CALCR: variants seen among roughly 807,000 people sequenced by gnomAD.
CALCR encodes calcitonin receptor.
A neutral mutation model predicts 59.5 loss-of-function variants in CALCR; 47 were observed. The observed-to-expected ratio is 0.79, with a 90% CI of 0.63 to 1.01. The LOEUF (loss-of-function observed/expected upper bound fraction) is 1.01, where lower values mean the gene tolerates loss of function less well. CALCR is among the 50% of genes least tolerant of loss of function. CALCR has a pLI of 0.00. For missense variants in CALCR, 566 were observed against 597.1 expected (o/e 0.95, Z 0.54); for synonymous variants, 213 against 211.3 (o/e 1.01, Z -0.07).
intron 3 of CALCR, among the ~76,000 whole-genome samples, chr7:93,482,206 ATG>A (rs1800813070): frequency 6.6e-6 from 1 of 151,800 alleles, no homozygotes; most frequent in African/African-American, 2.4e-5. Flanking sequence ...TTGTATGAAT[ATG>A]TGTGTTTTAA....
At chr7:93,441,684 C>T in intron 9 of CALCR, 1 of 385,786 alleles carries the variant, frequency 2.6e-6, no homozygotes, top group Non-Finnish European at 5.0e-6. Context: ...TCTAACCTCA[C>T]TGGATGGTTA....
intron 3 of CALCR, among the ~76,000 whole-genome samples, chr7:93,486,353 A>G (rs1800944245): frequency 2.0e-5 from 3 of 151,646 alleles, no homozygotes; most frequent in Non-Finnish European, 4.4e-5. Flanking sequence ...ATAAAACAAT[A>G]TAGAATTACA....
chr7:93,445,223 C>G (rs996504962), intron 8 of CALCR, among the ~76,000 whole-genome samples: 2 of 152,092 alleles, frequency 1.3e-5, no homozygotes, highest in African/African-American at 4.8e-5. Context: ...TGATTACCTT[C>G]CTAACTGGGA....
rs11287815 is a variant in CALCR, at chr7:93,550,488, C to CA, written c.-27+23800dup. On this transcript the variant is annotated intron_variant, in intron 2 of 13. Coordinates refer to ENST00000426151, the MANE Select transcript of CALCR (RefSeq NM_001742.4). ...GGGCAACAAGAGTAAAACTCCGTCTCAAAAAAAAAAAAAAAAAAAAAAAAA... is the reference window on the plus strand; with the variant it reads ...GGGCAACAAGAGTAAAACTCCGTCTCAAAAAAAAAAAAAAAAAAAAAAAAAA... 9.5e-3 allele frequency among the ~76,000 whole-genome samples: 253 copies of CA among 26,572 alleles called. 39 individuals are homozygous for CA. Among genetic ancestry groups the CA allele is most frequent in the African/African-American group, 0.032 (189 of 5,954 alleles). The allele number at this position is 26,572 out of a possible 152,430, so 17.4% of individuals were successfully genotyped here. A position where few individuals can be genotyped will look rare whatever the true frequency, so the allele number is the denominator to read the frequency against.
chr7:93,522,615 C>T (rs1328142030), intron 2 of CALCR, among the ~76,000 whole-genome samples: 2 of 152,096 alleles, frequency 1.3e-5, no homozygotes, highest in African/African-American at 4.8e-5. Context: ...TCTACAATTT[C>T]CTTCAAATCT....
chr7:93,556,521 T>C (rs1789611090), intron 2 of CALCR, among the ~76,000 whole-genome samples: 1 of 152,080 alleles, frequency 6.6e-6, no homozygotes, highest in African/African-American at 2.4e-5. Flanking sequence ...TGTAAAAGTT[T>C]TCCCTCATAC....
At chr7:93,507,138 A>G (rs973304403) in intron 2 of CALCR, among the ~76,000 whole-genome samples, 3 of 152,126 alleles carry the variant, frequency 2.0e-5, no homozygotes, top group African/African-American at 4.8e-5. Context: ...AGGAAAGAAT[A>G]AAGTCCCAAA....
chr7:93,504,569 T>A (rs901745967), intron 2 of CALCR, among the ~76,000 whole-genome samples: 7 of 152,174 alleles, frequency 4.6e-5, no homozygotes, highest in Admixed American at 3.3e-4. Context: ...CTCGTAAATA[T>A]GTCTACCATG....
intron 4 of CALCR, among the ~76,000 whole-genome samples, chr7:93,478,819 A>G (rs544788949): frequency 1.3e-5 from 2 of 151,928 alleles, no homozygotes; most frequent in Admixed American, 1.3e-4. Flanking sequence ...ATATCTGGGC[A>G]GTCACATACA....
intron 3 of CALCR, 66 bp from the exon 4 acceptor site, chr7:93,479,573 CA>C: frequency 7.0e-7 from 1 of 1,430,466 alleles, no homozygotes; most frequent in East Asian, 2.3e-5. Flanking sequence ...ATAAATGAGA[CA>C]ATGAAAAAGT....
At chr7:93,428,770 G>C (rs952248444) in intron 13 of CALCR, among the ~76,000 whole-genome samples, 15 of 143,300 alleles carry the variant, frequency 1.0e-4, no homozygotes, top group Admixed American at 2.9e-4. Context: ...TTGGGGAACA[G>C]AGCGAGACTC....
intron 2 of CALCR, among the ~76,000 whole-genome samples, chr7:93,519,485 A>G (rs1365721263): frequency 6.6e-6 from 1 of 152,088 alleles, no homozygotes; most frequent in African/African-American, 2.4e-5. Flanking sequence ...TTTATATTAT[A>G]GGGAAGTTGG....
intron 2 of CALCR, among the ~76,000 whole-genome samples, chr7:93,532,675 C>T (rs975122744): frequency 1.3e-5 from 2 of 151,630 alleles, no homozygotes; most frequent in African/African-American, 4.8e-5. Flanking sequence ...TAACAGCCCA[C>T]CTGGTTAGGT....
intron 2 of CALCR, among the ~76,000 whole-genome samples, chr7:93,525,815 G>T (rs1016218509): frequency 3.3e-5 from 5 of 152,096 alleles, no homozygotes; most frequent in African/African-American, 1.2e-4. Flanking sequence ...GCAGTTTAGA[G>T]ATTTGTTTTG....
chr7:93,561,874 T>C (rs1354890117), intron 2 of CALCR, among the ~76,000 whole-genome samples: 1 of 152,074 alleles, frequency 6.6e-6, no homozygotes, highest in Non-Finnish European at 1.5e-5. Flanking sequence ...CTGCCTTCAG[T>C]AGGAGTACAG....
At chr7:93,488,749 C>T (rs563185691) in intron 2 of CALCR, among the ~76,000 whole-genome samples, 3 of 151,700 alleles carry the variant, frequency 2.0e-5, no homozygotes, top group Non-Finnish European at 3.0e-5. Context: ...TACAGGAGCA[C>T]CCAGATTCAT....
chr7:93,501,406 G>A (rs1327848159), intron 2 of CALCR, among the ~76,000 whole-genome samples: 2 of 151,978 alleles, frequency 1.3e-5, no homozygotes, highest in Non-Finnish European at 2.9e-5. Flanking sequence ...GAAATCACCA[G>A]TTCACTTTTT....
At chr7:93,504,681 A>G (rs1398533822) in intron 2 of CALCR, among the ~76,000 whole-genome samples, 1 of 152,082 alleles carries the variant, frequency 6.6e-6, no homozygotes, top group Non-Finnish European at 1.5e-5. Context: ...GCAAAACTGT[A>G]TTTTTTTAAT....
intron 2 of CALCR, among the ~76,000 whole-genome samples, chr7:93,548,336 A>G (rs1036562002): frequency 6.6e-6 from 1 of 152,184 alleles, no homozygotes; most frequent in Non-Finnish European, 1.5e-5. Context: ...CAGTTAACAA[A>G]GCTTTGTGCA....
Sources: allele counts gnomAD v4.1 joint callset (sites outside exome capture counted in the v4.1 genomes callset), GRCh38; gene constraint gnomAD v4.1.1; transcripts MANE v1.5; gene names NCBI Gene and HGNC (gene_info 2026-07-23, HGNC 2026-07-21).